Variants in ZCCHC17 observed in about 807,000 individuals in gnomAD.
ZCCHC17 encodes the protein zinc finger CCHC domain-containing protein 17.
In ZCCHC17, 18 loss-of-function variants were observed where a neutral mutation model predicts 30.6. The ratio of observed to expected loss-of-function variants is 0.59; its 90% CI spans 0.41 to 0.87. The LOEUF is 0.87. Ranked by LOEUF, ZCCHC17 falls within the 40% of genes least tolerant of loss-of-function variation. ZCCHC17 has a pLI of 0.00. For synonymous variants in ZCCHC17, 88 were observed against 92.4 expected, an observed-to-expected ratio of 0.95 and a Z score of 0.27; for missense variants, 263 against 284.2, an observed-to-expected ratio of 0.93 and a Z score of 0.54.
rs1640046245 is a variant in ZCCHC17 at position 31,364,240 on chromosome 1, C to T, written c.*47C>T. ...TGGTTGAGAGTAAGAAACCAGGAGC[C>T]TTGTGCCTTGAGACTCCTGGAAAGA... On this transcript the variant is annotated 3_prime_UTR_variant, in exon 8 of 8. Transcript: ENST00000344147. 6.4e-7 allele frequency: 1 copy of T among 1,573,126 alleles called. No homozygotes were observed. Among genetic ancestry groups the T allele is most frequent in the Non-Finnish European group, 8.6e-7 (1 of 1,162,964 alleles).
chr1:31,310,244 C>T, intron 2 of ZCCHC17, 80 bp downstream of exon 2: 1 of 1,445,752 alleles, frequency 6.9e-7, no homozygotes. Context: ...TTGTTCCTGT[C>T]CACTTAAGTC....
chr1:31,323,808 T>C (rs1438018060), intron 3 of ZCCHC17, among the ~76,000 whole-genome samples: 1 of 152,266 alleles, frequency 6.6e-6, no homozygotes, highest in Non-Finnish European at 1.5e-5. Context: ...TGGATACTTT[T>C]ACTCTCTATC....
chr1:31,325,686 C>T (rs1005541795), intron 3 of ZCCHC17, among the ~76,000 whole-genome samples: 16 of 152,230 alleles, frequency 1.1e-4, no homozygotes, highest in Non-Finnish European at 1.8e-4. Flanking sequence ...ATGAGCCAAG[C>T]GCAGCCCATT....
intron 7 of ZCCHC17, among the ~76,000 whole-genome samples, chr1:31,363,082 A>G (rs1639980645): frequency 6.6e-6 from 1 of 152,174 alleles, no homozygotes; most frequent in African/African-American, 2.4e-5. Context: ...ACTGGAACCT[A>G]CAATACATAT....
chr1:31,316,793 T>C (rs896501329), intron 2 of ZCCHC17, among the ~76,000 whole-genome samples: 1 of 152,174 alleles, frequency 6.6e-6, no homozygotes, highest in Non-Finnish European at 1.5e-5. Flanking sequence ...GCATAACATG[T>C]TCATTAGTAT....
intron 5 of ZCCHC17, among the ~76,000 whole-genome samples, chr1:31,343,846 A>ATTTT (rs71569979): frequency 3.6e-4 from 29 of 80,738 alleles, no homozygotes; most frequent in South Asian, 4.3e-4. Flanking sequence ...TGCCCCACTA[A>ATTTT]TTTTTTTTTT....
intron 3 of ZCCHC17, among the ~76,000 whole-genome samples, chr1:31,334,950 C>T (rs892173185): frequency 6.6e-6 from 1 of 152,148 alleles, no homozygotes; most frequent in Non-Finnish European, 1.5e-5. Context: ...AGGACAGGTT[C>T]CCAGAAGCAA....
At chr1:31,307,220 G>A (rs1172093598) in intron 1 of ZCCHC17, among the ~76,000 whole-genome samples, 1 of 150,980 alleles carries the variant, frequency 6.6e-6, no homozygotes, top group African/African-American at 2.4e-5. Flanking sequence ...TGATCCTCCC[G>A]CCTTAGCTTC....
chr1:31,331,747 G>A (rs1030469004), intron 3 of ZCCHC17, among the ~76,000 whole-genome samples: 4 of 151,912 alleles, frequency 2.6e-5, no homozygotes, highest in African/African-American at 9.7e-5. Flanking sequence ...GAATAGCTGG[G>A]ACTACAGGTG....
chr1:31,315,646 C>T (rs1646715825), intron 2 of ZCCHC17, among the ~76,000 whole-genome samples: 1 of 152,182 alleles, frequency 6.6e-6, no homozygotes, highest in African/African-American at 2.4e-5. Flanking sequence ...ACTTATGCCC[C>T]TGAGCCTCAA....
At chr1:31,309,455 C>T (rs1470748642) in intron 1 of ZCCHC17, among the ~76,000 whole-genome samples, 3 of 152,140 alleles carry the variant, frequency 2.0e-5, no homozygotes, top group Admixed American at 1.3e-4. Context: ...GCTGGGACTA[C>T]AGGCTCCTGC....
intron 7 of ZCCHC17, among the ~76,000 whole-genome samples, chr1:31,352,082 T>C (rs960379280): frequency 2.0e-5 from 3 of 152,204 alleles, no homozygotes; most frequent in Non-Finnish European, 1.5e-5. Context: ...CTTTCCACAT[T>C]TGGCCCTGTC....
At chr1:31,347,656 A>T (rs1470798777) in intron 6 of ZCCHC17, among the ~76,000 whole-genome samples, 1 of 152,158 alleles carries the variant, frequency 6.6e-6, no homozygotes, top group Non-Finnish European at 1.5e-5. Context: ...AGGGTCACCC[A>T]GGCTGGAGTG....
chr1:31,336,153 A>T (rs567739963), intron 3 of ZCCHC17, among the ~76,000 whole-genome samples: 2 of 151,366 alleles, frequency 1.3e-5, no homozygotes, highest in Non-Finnish European at 3.0e-5. Context: ...GCTCACTCCA[A>T]CCTCTGCCTC....
chr1:31,318,363 G>T, intron 2 of ZCCHC17: 2 of 723,188 alleles, frequency 2.8e-6, no homozygotes, highest in African/African-American at 1.8e-5. Context: ...GAGAGAGCTA[G>T]AGCCTAGGTT....
At chr1:31,301,635 T>G (rs1646314678) in intron 1 of ZCCHC17, among the ~76,000 whole-genome samples, 1 of 152,216 alleles carries the variant, frequency 6.6e-6, no homozygotes, top group African/African-American at 2.4e-5. Context: ...GAATAAGTGC[T>G]GATCCTGGGG....
rs141610188 is a variant in ZCCHC17 at position 31,319,207 on chromosome 1, T to A, written c.124+41T>A. Reference sequence around the variant, plus strand: ...TTGAAATTCAGCCCTCTGATTCTACTCTCTGCTAACACTCCACCACCTCCT... The same window carrying A: ...TTGAAATTCAGCCCTCTGATTCTACACTCTGCTAACACTCCACCACCTCCT... On this transcript the variant is annotated intron_variant, in intron 3 of 7. Coordinates refer to ENST00000344147, the MANE Select transcript of ZCCHC17 (RefSeq NM_016505.4). The A allele has an allele frequency of 1.1e-4, 164 of 1,552,596 alleles. 1 individual carries two copies. In the East Asian group the frequency reaches 3.4e-3, roughly 33 times the overall value.
intron 3 of ZCCHC17, among the ~76,000 whole-genome samples, chr1:31,330,072 A>C (rs1018012263): frequency 6.6e-6 from 1 of 152,248 alleles, no homozygotes; most frequent in East Asian, 1.9e-4. Flanking sequence ...GAGGGAATTA[A>C]GATTACCCAA....
chr1:31,363,267 T>C (rs1639993208), intron 7 of ZCCHC17, among the ~76,000 whole-genome samples: 1 of 150,452 alleles, frequency 6.6e-6, no homozygotes, highest in African/African-American at 2.5e-5. Flanking sequence ...CACTGCAAGC[T>C]CCGCCTCCTG....
Sources: allele counts gnomAD v4.1 joint callset (sites outside exome capture counted in the v4.1 genomes callset), GRCh38; gene constraint gnomAD v4.1.1; transcripts MANE v1.5; gene names NCBI Gene and HGNC (gene_info 2026-07-23, HGNC 2026-07-21).